Variants in DSCAM observed in about 807,000 individuals in gnomAD.
DSCAM encodes cell adhesion molecule DSCAM.
Under a neutral mutation model 217.7 loss-of-function variants are expected in DSCAM, and 47 were observed. The ratio of observed to expected loss-of-function variants is 0.22; its 90% CI spans 0.17 to 0.28. DSCAM has a LOEUF of 0.28. Ranked by LOEUF, DSCAM falls within the 10% of genes least tolerant of loss-of-function variation. DSCAM has a pLI of 1.00. For missense variants in DSCAM, 2,080 were observed against 2,618.3 expected (o/e 0.79, Z 4.49); for synonymous variants, 1,056 against 1,015.3 (o/e 1.04, Z -0.76).
Position 40,224,854 on chromosome 21 carries a change from AG to A in DSCAM, c.2357-35617del, listed in dbSNP as rs956130589. 2.6e-5 allele frequency among the ~76,000 whole-genome samples: 4 copies of A among 152,358 alleles called. No homozygotes were observed. The East Asian group carries it at 7.7e-4, about 29-fold the overall frequency. On this transcript the variant is annotated intron_variant, in intron 11 of 32. Coordinates refer to ENST00000400454, the MANE Select transcript of DSCAM (RefSeq NM_001389.5). ...ATGCCAGTGAATATTCAAGTTAAAA[AG>A]GACACTTCAAAAAAGATAACAAGTC...
At chr21:40,052,857 G>C (rs2088954710) in intron 29 of DSCAM, among the ~76,000 whole-genome samples, 1 of 152,170 alleles carries the variant, frequency 6.6e-6, no homozygotes, top group African/African-American at 2.4e-5. Flanking sequence ...TTAGTGCTTG[G>C]AGCAGGAGCT....
chr21:40,617,174 A>G (rs1601792071), intron 3 of DSCAM, among the ~76,000 whole-genome samples: 4 of 118,376 alleles, frequency 3.4e-5, no homozygotes, highest in Admixed American at 3.0e-4. Flanking sequence ...CCCAGGCTGG[A>G]GTGCAGTGGT....
chr21:40,644,080 C>G (rs902118516), intron 3 of DSCAM, among the ~76,000 whole-genome samples: 2 of 152,146 alleles, frequency 1.3e-5, no homozygotes, highest in African/African-American at 4.8e-5. Context: ...TCAGTTGGTC[C>G]AAGACTGAGA....
At chr21:40,464,228 C>G (rs951159804) in intron 3 of DSCAM, among the ~76,000 whole-genome samples, 2 of 152,182 alleles carry the variant, frequency 1.3e-5, no homozygotes, top group Non-Finnish European at 2.9e-5. Context: ...GTTCTGGGAA[C>G]ATCAATAAAA....
chr21:40,708,666 C>A lies in DSCAM; in HGVS notation c.149G>T (p.Gly50Val). The change falls in exon 2 of 33, where the codon GGC becomes GTC. Residue 50 changes from glycine (G) to valine (V), a missense_variant. Physicochemically the swap from Gly to Val is moderately radical, Grantham distance 109. This residue lies in a region of DSCAM where 568 missense variants were observed against 678.1 expected (regional missense o/e 0.84). Transcript: ENST00000400454. Reference protein sequence around the residue: ...TGTLVPCPAAGIPPVTLRWYL... With the variant: ...TGTLVPCPAAVIPPVTLRWYL... Reference sequence around the variant, plus strand: ...CCATCTGAGAGTCACAGGAGGGATGCCTGCTGCGGGGCAGGGCACCAGAGT... The same window carrying A: ...CCATCTGAGAGTCACAGGAGGGATGACTGCTGCGGGGCAGGGCACCAGAGT... 6.2e-7 allele frequency: 1 copy of A among 1,613,288 alleles called. No individual in the cohort carries two copies. Among genetic ancestry groups the A allele is most frequent in the Non-Finnish European group, 8.5e-7 (1 of 1,179,668 alleles).
At chr21:40,577,362 T>C (rs1256615542) in intron 3 of DSCAM, among the ~76,000 whole-genome samples, 3 of 151,340 alleles carry the variant, frequency 2.0e-5, no homozygotes, top group Non-Finnish European at 4.4e-5. Context: ...AGGACTCAGA[T>C]GTTGAATTTT....
intron 3 of DSCAM, among the ~76,000 whole-genome samples, chr21:40,691,333 T>G (rs1337393037): frequency 3.3e-5 from 5 of 152,202 alleles, no homozygotes; most frequent in Non-Finnish European, 7.3e-5. Context: ...ATGACAGGGT[T>G]AAAAGATGGT....
chr21:40,388,400 G>A (rs562313160), intron 3 of DSCAM, among the ~76,000 whole-genome samples: 1 of 152,290 alleles, frequency 6.6e-6, no homozygotes, highest in East Asian at 1.9e-4. Flanking sequence ...GTATCATGAA[G>A]TCCTGTGTTT....
intron 8 of DSCAM, among the ~76,000 whole-genome samples, chr21:40,332,088 C>A (rs2074383417): frequency 6.6e-6 from 1 of 152,192 alleles, no homozygotes; most frequent in Non-Finnish European, 1.5e-5. Flanking sequence ...TTCTGACCTG[C>A]CCTCTTTCAC....
chr21:40,834,415 TAATAATAATAA>T (rs925972266), intron 1 of DSCAM, among the ~76,000 whole-genome samples: 3 of 124,168 alleles, frequency 2.4e-5, no homozygotes, highest in South Asian at 2.7e-4. Flanking sequence ...TCCAAAATAA[TAATAATAATAA>T]AATAATAATA....
chr21:40,552,327 G>T (rs962057650), intron 3 of DSCAM, among the ~76,000 whole-genome samples: 1 of 151,754 alleles, frequency 6.6e-6, no homozygotes, highest in Non-Finnish European at 1.5e-5. Flanking sequence ...AAAAAAAAGA[G>T]TTCTCTTCCC....
At chr21:40,797,818 C>A (rs1212731374) in intron 1 of DSCAM, among the ~76,000 whole-genome samples, 1 of 151,694 alleles carries the variant, frequency 6.6e-6, no homozygotes, top group Non-Finnish European at 1.5e-5. Context: ...TTTTTTTCTT[C>A]AAATTTAATA....
intron 2 of DSCAM, among the ~76,000 whole-genome samples, chr21:40,698,869 TAAAAAAAAAAAAAAAA>T (rs56775350): frequency 1.7e-4 from 18 of 107,988 alleles, no homozygotes; most frequent in Non-Finnish European, 3.0e-4. Flanking sequence ...GAATCCGTCT[TAAAAAAAAAAAAAAAA>T]AAAAAAAAAG....
intron 3 of DSCAM, among the ~76,000 whole-genome samples, chr21:40,536,203 G>A (rs1284634966): frequency 6.6e-6 from 1 of 152,170 alleles, no homozygotes; most frequent in Non-Finnish European, 1.5e-5. Flanking sequence ...TTCCTGTGAT[G>A]CCGACTGGGA....
intron 11 of DSCAM, among the ~76,000 whole-genome samples, chr21:40,231,513 T>C (rs576467223): frequency 6.6e-6 from 1 of 150,692 alleles, no homozygotes; most frequent in East Asian, 1.9e-4. Flanking sequence ...TTTTATTTCT[T>C]TTTTTTTTAG....
In DSCAM at chr21:40,121,251, AC is replaced by A. The variant is rs367755350; in HGVS notation, c.3696+2943del. Among the ~76,000 whole-genome samples the A allele has an allele frequency of 1.8e-4, 28 of 152,320 alleles. No homozygotes were observed. The East Asian group carries it at 3.5e-3, about 19-fold the overall frequency. The stretch of plus-strand genomic sequence containing the variant: ...GATGAAAACAAAACAAAACAAAAAA[AC>A]ACCCTCTTTCCTGTACTTTAAAGTT... On this transcript the variant is annotated intron_variant, in intron 20 of 32. Coordinates refer to ENST00000400454, the MANE Select transcript of DSCAM (RefSeq NM_001389.5).
At chr21:40,170,705 C>G (rs2090647511) in intron 15 of DSCAM, among the ~76,000 whole-genome samples, 1 of 152,180 alleles carries the variant, frequency 6.6e-6, no homozygotes, top group South Asian at 2.1e-4. Flanking sequence ...TTGAAAAGCA[C>G]ACGGTTTTCC....
chr21:40,608,075 G>A (rs1402122012), intron 3 of DSCAM, among the ~76,000 whole-genome samples: 2 of 152,172 alleles, frequency 1.3e-5, no homozygotes, highest in Non-Finnish European at 2.9e-5. Flanking sequence ...ATCTTCAAAA[G>A]ACAGAATTAT....
At chr21:40,772,906 T>C (rs1354928526) in intron 1 of DSCAM, among the ~76,000 whole-genome samples, 1 of 152,204 alleles carries the variant, frequency 6.6e-6, no homozygotes, top group East Asian at 1.9e-4. Flanking sequence ...CGGAGAGCTG[T>C]CTTCTGTCAA....
Sources: gnomAD v4.1 joint callset for allele counts (sites outside exome capture counted in the v4.1 genomes callset) on GRCh38, gnomAD v4.1.1 for gene constraint, gnomAD v4.1.1 regional missense constraint, MANE v1.5 for transcripts, NCBI Gene and HGNC (gene_info 2026-07-23, HGNC 2026-07-21) for gene names.